Variants in BCAP29 observed in about 807,000 individuals in gnomAD.
The protein encoded by BCAP29 is B cell receptor associated protein 29, also known as B-cell receptor-associated protein 29.
BCAP29 carries 34 observed loss-of-function variants against 31.8 expected under a neutral mutation model. That is an observed-to-expected ratio of 1.07 (90% confidence interval 0.81 to 1.42). BCAP29 has a LOEUF of 1.42. Ranked by LOEUF, BCAP29 falls within the 40% of genes most tolerant of loss-of-function variation. BCAP29 has a pLI of 0.00. For synonymous variants in BCAP29, 104 were observed against 91.3 expected (o/e 1.14, Z -0.79); for missense variants, 314 against 269.2 (o/e 1.17, Z -1.16).
At chr7:107,620,790 T>C (rs1475492266), downstream of BCAP29, 2 of 152,202 alleles carry the variant, frequency 1.3e-5, no homozygotes, top group African/African-American at 4.8e-5. Context: ...GGGCATAAGT[T>C]CCTCTCTTGG....
intron 6 of BCAP29, among the ~76,000 whole-genome samples, chr7:107,610,112 A>C (rs75798472): frequency 6.6e-6 from 1 of 152,202 alleles, no homozygotes; most frequent in African/African-American, 2.4e-5. Context: ...AAAGACAACA[A>C]ATGTTTTTGC....
chr7:107,623,020 T>A (rs1815100708), downstream of BCAP29: 1 of 152,174 alleles, frequency 6.6e-6, no homozygotes, highest in African/African-American at 2.4e-5. Flanking sequence ...AGGACTGTCA[T>A]GTGGGGCCAG....
intron 5 of BCAP29, among the ~76,000 whole-genome samples, chr7:107,598,367 T>C (rs916123512): frequency 6.6e-6 from 1 of 152,202 alleles, no homozygotes; most frequent in Non-Finnish European, 1.5e-5. Flanking sequence ...GAGGCTCCTT[T>C]AGTTTCAGAA....
At chr7:107,593,752 A>G (rs1585096081) in intron 3 of BCAP29, among the ~76,000 whole-genome samples, 2 of 152,322 alleles carry the variant, frequency 1.3e-5, no homozygotes, top group African/African-American at 4.8e-5. Flanking sequence ...GTAATTCAAA[A>G]TTTGCTACTA....
At position 107,620,025 on chromosome 7, in the gene BCAP29, T is replaced by G. The variant is rs959346280; in HGVS notation, c.*1662T>G. 1 of 152,232 alleles carries G rather than the reference T, an allele frequency of 6.6e-6. No individual in the cohort carries two copies. The highest frequency in any genetic ancestry group is 1.5e-5 in the Non-Finnish European group (1 of 68,030). 9.4% of individuals were successfully genotyped at this position (152,232 alleles called of 1,614,324 possible). ...GATAATACAGTGATTCTCAAAGTTG[T>G]TCAGACTGTATAGTAAGGAGAAAGT... On this transcript the variant is annotated 3_prime_UTR_variant, in exon 8 of 8. Coordinates refer to ENST00000005259, the MANE Select transcript of BCAP29 (RefSeq NM_018844.4).
intron 6 of BCAP29, among the ~76,000 whole-genome samples, chr7:107,607,785 A>G (rs1347033759): frequency 6.6e-6 from 1 of 151,820 alleles, no homozygotes; most frequent in Non-Finnish European, 1.5e-5. Flanking sequence ...GATTACAGGC[A>G]CACACCACCA....
Position 107,600,492 on chromosome 7 carries a change from G to A in BCAP29, c.576G>A (p.Arg192=), listed in dbSNP as rs775325427. The change falls in exon 6 of 8, where the codon AGG becomes AGA. Residue 192 remains arginine, a synonymous_variant. Coordinates refer to ENST00000005259, the MANE Select transcript of BCAP29 (RefSeq NM_018844.4). The part of the protein sequence containing the change: ...EDQEKLKTEL[R]KTSDALSKAQ... ...AGGAGAAACTGAAAACTGAATTAAG[G>A]AAGACTTCAGATGGTAACTTTGTGT... 11 of 1,588,560 alleles carry A rather than the reference G, an allele frequency of 6.9e-6. No individual in the cohort carries two copies. In the South Asian group the frequency reaches 7.8e-5, roughly 11 times the overall value.
In BCAP29 at chr7:107,594,336, C is replaced by T. The variant is rs1245524551; in HGVS notation, c.344+231C>T. 1.0e-5 allele frequency: 5 copies of T among 491,224 alleles called. No individual in the cohort carries two copies. The Admixed American group carries it at 1.6e-4, about 16-fold the overall frequency. The allele number at this position is 491,224 out of a possible 1,614,324, so 30.4% of individuals were successfully genotyped here. On this transcript the variant is annotated intron_variant, in intron 4 of 7. Coordinates refer to ENST00000005259, the MANE Select transcript of BCAP29 (RefSeq NM_018844.4). ...CTCATTTCTAGGACTACAGGCGGCA[C>T]ACCACCATGTAGGGCTAATTTTTAA...
Position 107,613,389 on chromosome 7 carries a change from C to G in BCAP29, c.647C>G (p.Ser216Trp). 8 of 1,613,078 alleles carry G rather than the reference C, an allele frequency of 5.0e-6. No homozygotes were observed. The highest frequency in any genetic ancestry group is 2.2e-5 in the South Asian group (2 of 90,986). Residue 216 changes from serine (S) to tryptophan (W), a missense_variant, in exon 7 of 8, where the codon TCG becomes TGG. Coordinates refer to ENST00000005259, the MANE Select transcript of BCAP29 (RefSeq NM_018844.4). ...MEMKMQSERL[S>W]KEYDQLLKEH... ...ATGAAGATGCAGTCAGAGAGACTTT[C>G]GAAAGAATATGATCAACTCCTGAAA...
chr7:107,580,784 A>G lies in BCAP29; in HGVS notation c.12A>G (p.Gln4=), dbSNP rs79851050. 33 of 1,598,718 alleles carry G rather than the reference A, an allele frequency of 2.1e-5. No homozygotes were observed. In the African/African-American group the frequency reaches 2.8e-4, roughly 14 times the overall value. Residue 4 remains glutamine (Q), a synonymous_variant, in exon 2 of 8, where the codon CAA becomes CAG. Coordinates refer to ENST00000005259, the MANE Select transcript of BCAP29 (RefSeq NM_018844.4). MTL[Q]WAAVATFLYA... is the part of the protein sequence containing the mutation. ...GTGTGAAGAAAAAAATGACACTCCAATGGGCTGCAGTGGCAACCTTTCTTT... is the reference window on the plus strand; with the variant it reads ...GTGTGAAGAAAAAAATGACACTCCAGTGGGCTGCAGTGGCAACCTTTCTTT...
intron 6 of BCAP29, 72 bp from the exon 7 acceptor site, chr7:107,613,260 T>C: frequency 8.7e-7 from 1 of 1,151,516 alleles, no homozygotes; most frequent in Non-Finnish European, 1.3e-6. Flanking sequence ...AGTTCTCTAT[T>C]TAAGCCTTGT....
Position 107,609,596 on chromosome 7 carries a change from C to G in BCAP29, c.590-3736C>G, listed in dbSNP as rs948510573. Reference sequence around the variant, plus strand: ...TGATGAATAAAACGTAAATCTTTACCTACACAGACCTCACAATATAGGCAT... The same window carrying G: ...TGATGAATAAAACGTAAATCTTTACGTACACAGACCTCACAATATAGGCAT... On this transcript the variant is annotated intron_variant, in intron 6 of 7. Transcript: ENST00000005259. Among the ~76,000 whole-genome samples the G allele has an allele frequency of 3.3e-5, 5 of 152,232 alleles. No homozygotes were observed. The South Asian group carries it at 1.0e-3, about 32-fold the overall frequency.
chr7:107,583,839 A>G (rs531904215), intron 2 of BCAP29, 43 bp from the exon 3 acceptor site: 2 of 1,012,154 alleles, frequency 2.0e-6, no homozygotes, highest in East Asian at 2.7e-5. Context: ...TCAAAACTTT[A>G]TTTTAGTTTT....
intron 6 of BCAP29, among the ~76,000 whole-genome samples, chr7:107,609,984 G>T (rs765793390): frequency 6.6e-6 from 1 of 152,148 alleles, no homozygotes; most frequent in East Asian, 1.9e-4. Context: ...AGCTTTACTG[G>T]CAGTGTTTCT....
In BCAP29 at chr7:107,600,520, A is replaced by C; in HGVS notation, c.589+15A>C. 1 of 1,488,810 alleles carries C rather than the reference A, an allele frequency of 6.7e-7. No individual in the cohort carries two copies. 92.2% of individuals were successfully genotyped at this position (1,488,810 alleles called of 1,614,324 possible). Reference sequence around the variant, plus strand: ...GACTTCAGATGGTAACTTTGTGTACATGTGAAAAAGTAAAAAGACTAGCAT... The same window carrying C: ...GACTTCAGATGGTAACTTTGTGTACCTGTGAAAAAGTAAAAAGACTAGCAT... On this transcript the variant is annotated intron_variant, in intron 6 of 7. Coordinates refer to ENST00000005259, the MANE Select transcript of BCAP29 (RefSeq NM_018844.4).
chr7:107,582,243 A>G (rs1007421282), intron 2 of BCAP29, among the ~76,000 whole-genome samples: 1 of 152,156 alleles, frequency 6.6e-6, no homozygotes. Context: ...ATGGATCAAT[A>G]TTTTTCTTCC....
chr7:107,591,656 A>ACACACACACACACC, intron 3 of BCAP29, among the ~76,000 whole-genome samples: 80 of 136,164 alleles, frequency 5.9e-4, no homozygotes, highest in South Asian at 1.5e-3. Context: ...ACACACACAC[A>ACACACACACACACC]CCCTATTGGT....
chr7:107,621,757 G>C, downstream of BCAP29: 1 of 473,088 alleles, frequency 2.1e-6, no homozygotes, highest in Non-Finnish European at 4.4e-6. Flanking sequence ...GCAAAGAACA[G>C]ATTCTTCCCC....
chr7:107,596,111 A>G, intron 5 of BCAP29, 109 bp downstream of exon 5: 1 of 912,350 alleles, frequency 1.1e-6, no homozygotes, highest in Non-Finnish European at 1.6e-6. Flanking sequence ...GCAGAAAATG[A>G]CCATAATTAA....
Sources: allele counts gnomAD v4.1 joint callset (sites outside exome capture counted in the v4.1 genomes callset), GRCh38; gene constraint gnomAD v4.1.1; transcripts MANE v1.5; gene names NCBI Gene and HGNC (gene_info 2026-07-23, HGNC 2026-07-21).